DPYD: variants seen among roughly 807,000 people sequenced by gnomAD.
The protein encoded by DPYD is dihydropyrimidine dehydrogenase [NADP(+)].
A neutral mutation model predicts 116.2 loss-of-function variants in DPYD; 109 were observed. The ratio of observed to expected loss-of-function variants is 0.94; its 90% CI spans 0.80 to 1.10. DPYD has a LOEUF of 1.10. Among genes scored for constraint, DPYD ranks in the 50% least tolerant of loss-of-function variants. The pLI is 0.00. For synonymous variants in DPYD, 440 were observed against 432.0 expected, an observed-to-expected ratio of 1.02 and a Z score of -0.23; for missense variants, 1,302 against 1,254.5, an observed-to-expected ratio of 1.04 and a Z score of -0.57.
chr1:97,778,695 G>A (rs12565244), intron 3 of DPYD, among the ~76,000 whole-genome samples: 126,160 of 152,084 alleles, frequency 0.83, 52,513 homozygotes, highest in East Asian at 0.98. Flanking sequence ...TTTCATTGCT[G>A]TATCAATATA....
At chr1:97,849,735 A>G (rs576865612) in intron 2 of DPYD, among the ~76,000 whole-genome samples, 14 of 152,204 alleles carry the variant, frequency 9.2e-5, no homozygotes, top group Non-Finnish European at 1.9e-4. Context: ...TAAGTTTGCC[A>G]CACTTGCCAT....
intron 11 of DPYD, among the ~76,000 whole-genome samples, chr1:97,567,791 C>T (rs1009133444): frequency 6.6e-6 from 1 of 152,074 alleles, no homozygotes; most frequent in African/African-American, 2.4e-5. Flanking sequence ...CAATTTTCAC[C>T]ATTTCTAAGA....
In DPYD at chr1:97,415,134, ACT is replaced by A. The variant is rs1277826511; in HGVS notation, c.1906-32675_1906-32674del. On this transcript the variant is annotated intron_variant, in intron 14 of 22. Transcript: ENST00000370192. ...CAAAACCAGAACAAAAGCAAACAAA[ACT>A]CTACAAAACCAGAATAAAGGCAAAC... is the stretch of plus-strand genomic sequence containing the variant. Among the ~76,000 whole-genome samples the A allele has an allele frequency of 2.0e-5, 3 of 150,876 alleles. No individual in the cohort carries two copies. The Admixed American group carries it at 2.0e-4, about 10-fold the overall frequency.
At chr1:97,605,138 A>T (rs1167024447) in intron 8 of DPYD, among the ~76,000 whole-genome samples, 2 of 152,134 alleles carry the variant, frequency 1.3e-5, no homozygotes, top group Non-Finnish European at 2.9e-5. Flanking sequence ...ACCTGTTCAT[A>T]AAAGAAAGAA....
intron 14 of DPYD, among the ~76,000 whole-genome samples, chr1:97,437,682 T>C (rs1311463064): frequency 6.6e-6 from 1 of 151,980 alleles, no homozygotes; most frequent in African/African-American, 2.4e-5. Flanking sequence ...TTTCAGTCTG[T>C]CATCTGTATT....
chr1:97,655,983 T>C (rs1364505206), intron 8 of DPYD, among the ~76,000 whole-genome samples: 1 of 152,214 alleles, frequency 6.6e-6, no homozygotes, highest in Non-Finnish European at 1.5e-5. Flanking sequence ...ACATCATTAT[T>C]TATTACGTAG....
chr1:97,278,662 T>C (rs972429770), intron 18 of DPYD, among the ~76,000 whole-genome samples: 8 of 152,184 alleles, frequency 5.3e-5, no homozygotes, highest in Admixed American at 2.0e-4. Flanking sequence ...CAAATGAGGA[T>C]AATCTGATGT....
At chr1:97,317,883 G>A (rs1389426066) in intron 16 of DPYD, among the ~76,000 whole-genome samples, 1 of 151,996 alleles carries the variant, frequency 6.6e-6, no homozygotes, top group African/African-American at 2.4e-5. Flanking sequence ...CCTTGGCAAT[G>A]AATGGTTCCG....
At chr1:97,406,184 G>T (rs1409270483) in intron 14 of DPYD, among the ~76,000 whole-genome samples, 2 of 151,596 alleles carry the variant, frequency 1.3e-5, no homozygotes, top group Non-Finnish European at 2.9e-5. Flanking sequence ...ATATTTGCCT[G>T]TCTATCTCTC....
At chr1:97,775,720 T>C (rs189450738) in intron 3 of DPYD, among the ~76,000 whole-genome samples, 14 of 152,256 alleles carry the variant, frequency 9.2e-5, no homozygotes, top group Non-Finnish European at 1.3e-4. Flanking sequence ...GATGTCATCT[T>C]TGTGAGAGCA....
intron 8 of DPYD, among the ~76,000 whole-genome samples, chr1:97,609,603 A>C (rs1006208442): frequency 1.3e-5 from 2 of 152,050 alleles, no homozygotes; most frequent in Admixed American, 6.6e-5. Context: ...GCAGTAAAAA[A>C]AGCTTTCTAT....
intron 18 of DPYD, among the ~76,000 whole-genome samples, chr1:97,297,276 A>T (rs1666592859): frequency 6.6e-6 from 1 of 152,198 alleles, no homozygotes; most frequent in Non-Finnish European, 1.5e-5. Flanking sequence ...AACTCTTATC[A>T]TCACTCCTGT....
rs569759770 is a variant in DPYD, at chr1:97,401,638, C to G, written c.1906-19177G>C. Among the ~76,000 whole-genome samples, 28 of 152,074 alleles carry G rather than the reference C, an allele frequency of 1.8e-4. No homozygotes were observed. The East Asian group carries it at 3.5e-3, about 19-fold the overall frequency. ...CAGAGTTTTTTATTTTAATGAAACC[C>G]AGCGTATCAATAATTTCTTTCATGA... is the stretch of plus-strand genomic sequence containing the variant. On this transcript the variant is annotated intron_variant, in intron 14 of 22. Transcript: ENST00000370192.
At chr1:97,767,117 C>T (rs911004889) in intron 3 of DPYD, among the ~76,000 whole-genome samples, 1 of 152,098 alleles carries the variant, frequency 6.6e-6, no homozygotes, top group Non-Finnish European at 1.5e-5. Context: ...TCCTGTTTTT[C>T]CCCTTTTTGG....
chr1:97,261,046 T>A (rs1017378716), intron 18 of DPYD, among the ~76,000 whole-genome samples: 1 of 152,124 alleles, frequency 6.6e-6, no homozygotes, highest in African/African-American at 2.4e-5. Context: ...TCACCATAAG[T>A]AAACAGTTTG....
chr1:97,237,834 G>GT (rs1308657758), intron 18 of DPYD, among the ~76,000 whole-genome samples: 1 of 152,008 alleles, frequency 6.6e-6, no homozygotes, highest in Non-Finnish European at 1.5e-5. Context: ...AGAAATATTG[G>GT]TTTTTTTCCT....
intron 18 of DPYD, among the ~76,000 whole-genome samples, chr1:97,265,166 T>C (rs922336188): frequency 1.3e-5 from 2 of 152,166 alleles, no homozygotes; most frequent in Non-Finnish European, 2.9e-5. Context: ...CCCAAGCTCA[T>C]GGTAGTAGGT....
chr1:97,426,857 G>A (rs573742774), intron 14 of DPYD, among the ~76,000 whole-genome samples: 2 of 152,108 alleles, frequency 1.3e-5, no homozygotes, highest in South Asian at 4.1e-4. Flanking sequence ...ATTCTTGTTG[G>A]GTGGTAACTG....
intron 12 of DPYD, among the ~76,000 whole-genome samples, chr1:97,548,067 TTAAAGA>T (rs1271036998): frequency 6.6e-6 from 1 of 151,960 alleles, no homozygotes; most frequent in Non-Finnish European, 1.5e-5. Flanking sequence ...AAAGGAAGCA[TTAAAGA>T]TAAAGTGAAT....
Sources: gnomAD v4.1 joint callset for allele counts (sites outside exome capture counted in the v4.1 genomes callset) on GRCh38, gnomAD v4.1.1 for gene constraint, MANE v1.5 for transcripts, NCBI Gene and HGNC (gene_info 2026-07-23, HGNC 2026-07-21) for gene names.